The following NRDC variants were observed in gnomAD, a reference collection of about 807,000 sequenced individuals.
NRDC encodes the protein nardilysin.
Under a neutral mutation model 147.1 loss-of-function variants are expected in NRDC, and 54 were observed. That is an observed-to-expected ratio of 0.37 (90% CI 0.29 to 0.46). The LOEUF (loss-of-function observed/expected upper bound fraction) is 0.46, where lower values mean the gene tolerates loss of function less well. Ranked by LOEUF, NRDC falls within the 20% of genes least tolerant of loss-of-function variation. The probability of loss-of-function intolerance (pLI) is 1.00; values close to 1 mark genes in which losing one functional copy is unlikely to be tolerated. For missense variants in NRDC, 1,082 were observed against 1,370.6 expected (o/e 0.79, Z 3.33); for synonymous variants, 440 against 482.1 (o/e 0.91, Z 1.14).
chr1:51,800,603 C>T lies in NRDC; in HGVS notation c.2394G>A (p.Leu798=). 6.2e-7 allele frequency: 1 copy of T among 1,614,032 alleles called. No individual in the cohort carries two copies. The highest frequency in any genetic ancestry group is 8.5e-7 in the Non-Finnish European group (1 of 1,179,938). The part of the protein sequence containing the change: ...PAVFTMITEQ[L]KKTYFNILIK... ...TGAGGATGTTAAAGTAGGTCTTCTT[C>T]AACTGCTCAGTTATCATTGTAAAGA... Residue 798 remains leucine, a synonymous_variant, in exon 21 of 31, where the codon TTG becomes TTA. Transcript: ENST00000352171.
At chr1:51,861,165 G>C (rs1682512357) in intron 1 of NRDC, among the ~76,000 whole-genome samples, 1 of 151,238 alleles carries the variant, frequency 6.6e-6, no homozygotes, top group African/African-American at 2.4e-5. Context: ...GGCCAGGCTG[G>C]TCTCAAACTC....
chr1:51,798,246 C>CA lies in NRDC; in HGVS notation c.2604+2dup. The CA allele has an allele frequency of 1.2e-6, 2 of 1,614,056 alleles. No individual in the cohort carries two copies. The highest frequency in any genetic ancestry group is 1.7e-6 in the Non-Finnish European group (2 of 1,179,934). On this transcript the variant is annotated splice_region_variant and intron_variant, in intron 22 of 30. Coordinates refer to ENST00000352171, the MANE Select transcript of NRDC (RefSeq NM_001101662.2). ...CCTGGCCTACAGAGCATCTCACACT[C>CA]ACTGTGCTTGTGACATTCCCTTGTA... is the stretch of plus-strand genomic sequence containing the variant.
chr1:51,821,310 G>A (rs1315707189), intron 8 of NRDC, among the ~76,000 whole-genome samples, 188 bp downstream of exon 8: 5 of 152,030 alleles, frequency 3.3e-5, no homozygotes, highest in African/African-American at 1.2e-4. Context: ...TTTGAACTAT[G>A]GAAACTTGGC....
At chr1:51,816,861 G>C (rs1487147658) in intron 10 of NRDC, among the ~76,000 whole-genome samples, 1 of 152,148 alleles carries the variant, frequency 6.6e-6, no homozygotes, top group Non-Finnish European at 1.5e-5. Context: ...TCATGACCTT[G>C]AGCAAGATAC....
intron 1 of NRDC, among the ~76,000 whole-genome samples, chr1:51,875,369 A>G (rs955096459): frequency 1.4e-5 from 2 of 139,910 alleles, no homozygotes; most frequent in Admixed American, 1.4e-4. Flanking sequence ...TGAGACACTA[A>G]GAAGGACAAT....
chr1:51,818,236 A>T, intron 9 of NRDC, 101 bp from the exon 10 acceptor site: 1 of 770,106 alleles, frequency 1.3e-6, no homozygotes, highest in Non-Finnish European at 2.0e-6. Context: ...CCAATAAACA[A>T]GGAAAGGTTA....
At chr1:51,848,311 T>C (rs887724401) in intron 1 of NRDC, among the ~76,000 whole-genome samples, 36 of 152,134 alleles carry the variant, frequency 2.4e-4, no homozygotes, top group African/African-American at 8.2e-4. Context: ...CCGTCTCTAC[T>C]AAAAATACAA....
intron 4 of NRDC, among the ~76,000 whole-genome samples, chr1:51,833,292 A>G (rs1035684423): frequency 1.3e-5 from 2 of 152,076 alleles, no homozygotes; most frequent in African/African-American, 4.8e-5. Flanking sequence ...GAGACTCCCA[A>G]TTCTACAAAA....
chr1:51,806,716 G>A, intron 18 of NRDC, 78 bp downstream of exon 18: 1 of 1,429,318 alleles, frequency 7.0e-7, no homozygotes, highest in Non-Finnish European at 9.6e-7. Flanking sequence ...ATAGCAAGTA[G>A]ATAATCACAT....
chr1:51,797,456 A>G (rs1458230394), intron 22 of NRDC, among the ~76,000 whole-genome samples: 1 of 152,142 alleles, frequency 6.6e-6, no homozygotes, highest in Non-Finnish European at 1.5e-5. Flanking sequence ...GTCTCTCTGG[A>G]TATTTCTTAA....
chr1:51,856,469 C>G (rs1239633771), intron 1 of NRDC, among the ~76,000 whole-genome samples: 1 of 152,198 alleles, frequency 6.6e-6, no homozygotes, highest in Non-Finnish European at 1.5e-5. Context: ...TTCCCACGAC[C>G]TCCTCTTTGG....
intron 4 of NRDC, 87 bp downstream of exon 4, chr1:51,833,930 G>T: frequency 8.5e-7 from 1 of 1,181,224 alleles, no homozygotes; most frequent in Non-Finnish European, 1.2e-6. Flanking sequence ...AAAGTATTGT[G>T]ACAATTCTAC....
chr1:51,829,513 T>C (rs187865377), intron 4 of NRDC, among the ~76,000 whole-genome samples: 30 of 152,372 alleles, frequency 2.0e-4, no homozygotes, highest in Non-Finnish European at 3.2e-4. Flanking sequence ...TTTCCATATT[T>C]CTTCTAATGT....
At chr1:51,842,732 T>C (rs866241251) in intron 1 of NRDC, among the ~76,000 whole-genome samples, 26 of 152,250 alleles carry the variant, frequency 1.7e-4, no homozygotes, top group South Asian at 2.1e-4. Context: ...GGTATACATA[T>C]ATATCCAACT....
At chr1:51,841,862 A>G (rs1681279712) in intron 1 of NRDC, among the ~76,000 whole-genome samples, 2 of 152,196 alleles carry the variant, frequency 1.3e-5, no homozygotes. Flanking sequence ...ACTAAGAATA[A>G]CATGCAAAGA....
At chr1:51,839,373 A>T (rs1681151406) in intron 2 of NRDC, among the ~76,000 whole-genome samples, 1 of 151,972 alleles carries the variant, frequency 6.6e-6, no homozygotes, top group African/African-American at 2.4e-5. Context: ...CACATTACCT[A>T]GGCTAGTCTC....
chr1:51,831,145 A>G (rs548390341), intron 4 of NRDC, among the ~76,000 whole-genome samples: 1 of 152,304 alleles, frequency 6.6e-6, no homozygotes, highest in East Asian at 1.9e-4. Flanking sequence ...TGATATTCTT[A>G]GATGCTGAAG....
intron 8 of NRDC, among the ~76,000 whole-genome samples, chr1:51,820,089 A>C (rs966662526): frequency 6.6e-6 from 1 of 152,222 alleles, no homozygotes; most frequent in Non-Finnish European, 1.5e-5. Flanking sequence ...AAGTCTTTAC[A>C]ACTCAAGAGA....
At chr1:51,817,406 T>C (rs1680020992) in intron 10 of NRDC, among the ~76,000 whole-genome samples, 1 of 151,664 alleles carries the variant, frequency 6.6e-6, no homozygotes, top group African/African-American at 2.4e-5. Context: ...CTTAAATAAT[T>C]CTCTGGCCCA....
Sources: allele counts gnomAD v4.1 joint callset (sites outside exome capture counted in the v4.1 genomes callset), GRCh38; gene constraint gnomAD v4.1.1; transcripts MANE v1.5; gene names NCBI Gene and HGNC (gene_info 2026-07-23, HGNC 2026-07-21).